COL4A6: variants seen among roughly 807,000 people sequenced by gnomAD.
COL4A6 encodes collagen type IV alpha 6 chain, also known as collagen alpha-6(IV) chain.
COL4A6 carries 59 observed loss-of-function variants against 126.7 expected under a neutral mutation model. That is an observed-to-expected ratio of 0.47 (90% confidence interval 0.38 to 0.58). COL4A6 has a LOEUF of 0.58. Ranked by LOEUF, COL4A6 falls within the 20% of genes least tolerant of loss-of-function variation. The probability of loss-of-function intolerance (pLI) is 0.00; values close to 1 mark genes in which losing one functional copy is unlikely to be tolerated. For missense variants in COL4A6, 1,285 were observed against 1,337.3 expected (o/e 0.96, Z 0.61); for synonymous variants, 547 against 496.6 (o/e 1.10, Z -1.35).
intron 3 of COL4A6, among the ~76,000 whole-genome samples, chrX:108,267,293 C>G (rs1454731611): frequency 1.8e-5 from 2 of 112,242 alleles, no homozygotes; most frequent in Non-Finnish European, 3.8e-5. Context: ...GGATAATCTC[C>G]TCAACTCAAG....
chrX:108,207,276 A>G (rs2035573383), intron 8 of COL4A6, among the ~76,000 whole-genome samples: 1 of 99,635 alleles, frequency 1.0e-5, no homozygotes, highest in South Asian at 6.1e-4. Flanking sequence ...GAGCTGAACA[A>G]TGAGAATGCA....
chrX:108,182,152 G>A (rs764772286), intron 23 of COL4A6, among the ~76,000 whole-genome samples: 7 of 112,255 alleles, frequency 6.2e-5, no homozygotes, highest in East Asian at 2.8e-4. Flanking sequence ...AACCAGCTGC[G>A]TGGACAAGAT....
chrX:108,190,504 T>TA lies in COL4A6; in HGVS notation c.1322-9dup, dbSNP rs757225361. 1.3e-4 allele frequency: 142 copies of TA among 1,123,423 alleles called. No individual in the cohort carries two copies. In the African/African-American group the frequency reaches 1.8e-3, roughly 15 times the overall value. 92.6% of individuals were successfully genotyped at this position (1,123,423 alleles called of 1,213,427 possible). On this transcript the variant is annotated splice_polypyrimidine_tract_variant and intron_variant, in intron 19 of 44. Transcript: ENST00000334504. ...CAGTCTCAAATTCTGGACCTTTGGG[T>TA]AAAAAAAAGATAAAGGATTAGCAAC... is the stretch of plus-strand genomic sequence containing the variant.
intron 2 of COL4A6, among the ~76,000 whole-genome samples, chrX:108,316,445 A>G (rs1311619900): frequency 1.8e-5 from 2 of 111,731 alleles, no homozygotes; most frequent in Non-Finnish European, 3.8e-5. Context: ...ATTGGGTAAG[A>G]GGGTAGGAAG....
At chrX:108,158,999 G>A (rs1602694848) in intron 44 of COL4A6, among the ~76,000 whole-genome samples, 3 of 112,248 alleles carry the variant, frequency 2.7e-5, no homozygotes, top group South Asian at 3.8e-4. Context: ...AACACAGCAT[G>A]CACTCATCAA....
chrX:108,224,671 A>G (rs778676640), intron 3 of COL4A6, among the ~76,000 whole-genome samples: 4 of 111,978 alleles, frequency 3.6e-5, no homozygotes, highest in Non-Finnish European at 5.6e-5. Context: ...AAAAAGAGGC[A>G]GACCCATTTC....
chrX:108,309,105 T>C (rs1214252034), intron 3 of COL4A6, among the ~76,000 whole-genome samples: 3 of 112,178 alleles, frequency 2.7e-5, no homozygotes, highest in Non-Finnish European at 3.8e-5. Flanking sequence ...TCTCTGATTA[T>C]GTATGGAAAA....
At chrX:108,243,407 T>C (rs143997152) in intron 3 of COL4A6, among the ~76,000 whole-genome samples, 43 of 110,554 alleles carry the variant, frequency 3.9e-4, no homozygotes, top group African/African-American at 1.3e-3. Flanking sequence ...GGTGCCCTTA[T>C]AAGGAGAGGA....
Position 108,177,045 on chromosome X carries a change from G to A in COL4A6, c.2516-34C>T, listed in dbSNP as rs781561879. ...GCACAGGAGAGAACACAGGACAGCTGTCAAGTGAGGCTCTGGCCAGATCTG... is the reference window on the plus strand; with the variant it reads ...GCACAGGAGAGAACACAGGACAGCTATCAAGTGAGGCTCTGGCCAGATCTG... On this transcript the variant is annotated intron_variant, in intron 27 of 44. Transcript: ENST00000334504. 26 of 1,169,995 alleles carry A rather than the reference G, an allele frequency of 2.2e-5. No individual in the cohort carries two copies. The East Asian group carries it at 6.6e-4, about 30-fold the overall frequency.
At chrX:108,426,438 A>G (rs2064087257) in intron 2 of COL4A6, among the ~76,000 whole-genome samples, 1 of 111,627 alleles carries the variant, frequency 9.0e-6, no homozygotes, top group Admixed American at 9.5e-5. Context: ...GATAATGGCA[A>G]ACTAGCCTTA....
intron 2 of COL4A6, among the ~76,000 whole-genome samples, chrX:108,359,798 G>T (rs1469038236): frequency 1.8e-5 from 2 of 112,118 alleles, no homozygotes; most frequent in East Asian, 2.8e-4. Context: ...TATAGGGGCT[G>T]CCATAATTTG....
intron 3 of COL4A6, among the ~76,000 whole-genome samples, chrX:108,288,719 T>G (rs1284825263): frequency 9.0e-6 from 1 of 111,354 alleles, no homozygotes; most frequent in Non-Finnish European, 1.9e-5. Context: ...CCAAGTAATT[T>G]ATACTTTCAG....
At chrX:108,395,545 C>T (rs771320818) in intron 2 of COL4A6, among the ~76,000 whole-genome samples, 28 of 112,217 alleles carry the variant, frequency 2.5e-4, no homozygotes, top group South Asian at 7.5e-4. Context: ...GAAAACATTA[C>T]AGCTTATAAA....
chrX:108,315,550 G>C (rs1011624205), intron 2 of COL4A6, among the ~76,000 whole-genome samples: 5 of 111,400 alleles, frequency 4.5e-5, no homozygotes, highest in Admixed American at 9.5e-5. Context: ...TAAAGGTTAG[G>C]GTTTGCTAAA....
chrX:108,401,763 ACT>A (rs1008423537), intron 2 of COL4A6, among the ~76,000 whole-genome samples: 10 of 111,052 alleles, frequency 9.0e-5, no homozygotes, highest in Admixed American at 7.6e-4. Context: ...AAGACCTAAA[ACT>A]CACAGCTTAT....
At chrX:108,331,222 T>A (rs2039290648) in intron 2 of COL4A6, among the ~76,000 whole-genome samples, 1 of 111,801 alleles carries the variant, frequency 8.9e-6, no homozygotes. Context: ...TAGTTCGGGA[T>A]CTCCAGGAAA....
intron 3 of COL4A6, among the ~76,000 whole-genome samples, chrX:108,264,634 A>C (rs2037250503): frequency 9.0e-6 from 1 of 111,687 alleles, no homozygotes; most frequent in African/African-American, 3.2e-5. Flanking sequence ...GTATGTGGGG[A>C]AAGAAGAAAG....
At chrX:108,388,789 T>G (rs758355674) in intron 2 of COL4A6, among the ~76,000 whole-genome samples, 2 of 111,948 alleles carry the variant, frequency 1.8e-5, no homozygotes, top group East Asian at 2.8e-4. Context: ...GCTTCTCTAG[T>G]TCTTTTAATT....
At chrX:108,279,149 C>T (rs1483878156) in intron 3 of COL4A6, among the ~76,000 whole-genome samples, 1 of 111,796 alleles carries the variant, frequency 8.9e-6, no homozygotes, top group African/African-American at 3.3e-5. Flanking sequence ...ACAATATTAA[C>T]CTTAAATGTA....
Sources: gnomAD v4.1 joint callset for allele counts (sites outside exome capture counted in the v4.1 genomes callset) on GRCh38, gnomAD v4.1.1 for gene constraint, MANE v1.5 for transcripts, NCBI Gene and HGNC (gene_info 2026-07-23, HGNC 2026-07-21) for gene names.